The following GREB1L variants were observed in gnomAD, a reference collection of about 807,000 sequenced individuals.
The protein encoded by GREB1L is GREB1 like retinoic acid receptor coactivator.
A neutral mutation model predicts 200.8 loss-of-function variants in GREB1L; 17 were observed. The observed-to-expected ratio is 0.08, with a 90% CI of 0.06 to 0.13. GREB1L has a LOEUF of 0.13. Ranked by LOEUF, GREB1L falls within the 10% of genes least tolerant of loss-of-function variation. The pLI, the probability that GREB1L is intolerant of heterozygous loss-of-function variation, is 1.00. For synonymous variants in GREB1L, 789 were observed against 893.0 expected (o/e 0.88, Z 2.08); for missense variants, 1,657 against 2,367.7 (o/e 0.70, Z 6.23).
intron 1 of GREB1L, among the ~76,000 whole-genome samples, chr18:21,250,025 A>G (rs555701103): frequency 4.3e-4 from 65 of 152,156 alleles, no homozygotes; most frequent in Non-Finnish European, 7.5e-4. Flanking sequence ...GCAATTTTCT[A>G]CGGGTGTCAT....
rs1365717415 is a variant in GREB1L at position 21,524,194 on chromosome 18, A to AGG, written c.*1376_*1377dup. Reference sequence around the variant, plus strand: ...TCTTGTTTGTGACCTGAAACTACTGAGGGGCCTACTAAGCCTGCATTTACT... The same window carrying AGG: ...TCTTGTTTGTGACCTGAAACTACTGAGGGGGGCCTACTAAGCCTGCATTTACT... On this transcript the variant is annotated 3_prime_UTR_variant, in exon 33 of 33. Coordinates refer to ENST00000424526, the MANE Select transcript of GREB1L (RefSeq NM_001142966.3). 6.6e-6 allele frequency: 1 copy of AGG among 152,292 alleles called. No homozygotes were observed. The highest frequency in any genetic ancestry group is 1.9e-4 in the East Asian group (1 of 5,180). The allele number at this position is 152,292 out of a possible 1,614,324, so 9.4% of individuals were successfully genotyped here. A position where few individuals can be genotyped will look rare whatever the true frequency, so the allele number is the denominator to read the frequency against.
chr18:21,281,262 G>A (rs2038264801), intron 1 of GREB1L, among the ~76,000 whole-genome samples: 1 of 152,192 alleles, frequency 6.6e-6, no homozygotes, highest in Non-Finnish European at 1.5e-5. Flanking sequence ...TGTAAAACTA[G>A]TTGTTTCTAA....
chr18:21,449,728 A>C lies in GREB1L; in HGVS notation c.1612A>C (p.Thr538Pro). Residue 538 changes from threonine to proline, a missense_variant, in exon 12 of 33, where the codon ACC becomes CCC. Physicochemically the swap from Thr to Pro is conservative, Grantham distance 38 (BLOSUM62 -1). Coordinates refer to ENST00000424526, the MANE Select transcript of GREB1L (RefSeq NM_001142966.3). ...CTCTTTGGCGGAGGGCATTTCAGAG[A>C]CCTTAAGGACTCTCAGTGAAATGAG... Reference protein sequence around the residue: ...QNSLAEGISETLRTLSEMRHY... With the variant: ...QNSLAEGISEPLRTLSEMRHY... 1 of 1,551,236 alleles carries C rather than the reference A, an allele frequency of 6.4e-7. No homozygotes were observed. The highest frequency in any genetic ancestry group is 8.7e-7 in the Non-Finnish European group (1 of 1,146,598).
chr18:21,319,440 G>A (rs908278585), intron 1 of GREB1L, among the ~76,000 whole-genome samples: 10 of 152,246 alleles, frequency 6.6e-5, no homozygotes, highest in South Asian at 2.1e-4. Flanking sequence ...AAATTATGCC[G>A]GAAGGCCCTA....
At chr18:21,375,344 G>T (rs1238446543) in intron 2 of GREB1L, among the ~76,000 whole-genome samples, 1 of 152,114 alleles carries the variant, frequency 6.6e-6, no homozygotes, top group Non-Finnish European at 1.5e-5. Flanking sequence ...TTACAGGCGT[G>T]AGCCACCGCA....
intron 1 of GREB1L, among the ~76,000 whole-genome samples, chr18:21,268,378 C>T (rs1163772805): frequency 6.6e-6 from 1 of 151,094 alleles, no homozygotes; most frequent in Non-Finnish European, 1.5e-5. Context: ...AATTACAGTA[C>T]ACACCGTAGG....
At chr18:21,468,557 C>T (rs866982626) in intron 15 of GREB1L, among the ~76,000 whole-genome samples, 11 of 152,130 alleles carry the variant, frequency 7.2e-5, no homozygotes, top group African/African-American at 2.4e-4. Context: ...CAATCACAAA[C>T]GCTGTTAAAA....
At chr18:21,431,228 T>C (rs1175318872) in intron 7 of GREB1L, among the ~76,000 whole-genome samples, 2 of 151,976 alleles carry the variant, frequency 1.3e-5, no homozygotes, top group South Asian at 2.1e-4. Flanking sequence ...TTTTGCCACA[T>C]TGGCCAGACT....
chr18:21,458,114 A>C (rs938700635), intron 15 of GREB1L, among the ~76,000 whole-genome samples: 2 of 151,916 alleles, frequency 1.3e-5, no homozygotes, highest in African/African-American at 4.8e-5. Flanking sequence ...GATTACAGGC[A>C]TGCGCCACCA....
In GREB1L at chr18:21,366,562, G is replaced by GT. The variant is rs556574694; in HGVS notation, c.-10+435dup. On this transcript the variant is annotated intron_variant, in intron 2 of 32. Coordinates refer to ENST00000424526, the MANE Select transcript of GREB1L (RefSeq NM_001142966.3). ...TATATGTTCTAAAGATTTTATAAAA[G>GT]TTTTTTTTTCTATTTTAGGAGGCTT... Among the ~76,000 whole-genome samples, 1,404 of 150,796 alleles carry GT rather than the reference G, an allele frequency of 9.3e-3. 10 individuals are homozygous for GT. Among genetic ancestry groups the GT allele is most frequent in the Non-Finnish European group, 0.011 (734 of 67,648 alleles).
intron 7 of GREB1L, among the ~76,000 whole-genome samples, chr18:21,424,681 TA>T (rs1039607481): frequency 6.6e-6 from 1 of 152,052 alleles, no homozygotes; most frequent in African/African-American, 2.4e-5. Flanking sequence ...TATAATTCAA[TA>T]AAAAACAAAA....
intron 2 of GREB1L, among the ~76,000 whole-genome samples, chr18:21,372,555 C>T (rs2039918885): frequency 6.6e-6 from 1 of 152,076 alleles, no homozygotes; most frequent in Non-Finnish European, 1.5e-5. Flanking sequence ...ATGTGTGGCT[C>T]AGAACAATTC....
chr18:21,502,058 C>T (rs1056920268), intron 23 of GREB1L, among the ~76,000 whole-genome samples: 9 of 152,066 alleles, frequency 5.9e-5, no homozygotes, highest in Non-Finnish European at 7.4e-5. Context: ...GTCAGGAGTT[C>T]GAGACCAACA....
chr18:21,443,658 T>C (rs1398895099), intron 10 of GREB1L, among the ~76,000 whole-genome samples: 1 of 152,208 alleles, frequency 6.6e-6, no homozygotes, highest in Non-Finnish European at 1.5e-5. Flanking sequence ...ACATGTTCCT[T>C]CCATGAGAAA....
intron 1 of GREB1L, among the ~76,000 whole-genome samples, chr18:21,337,741 C>T (rs947901146): frequency 2.0e-5 from 3 of 152,154 alleles, no homozygotes; most frequent in African/African-American, 7.2e-5. Flanking sequence ...AATCCCAGCA[C>T]TTTGGGAGGC....
At chr18:21,454,742 CT>C in intron 15 of GREB1L, 179 bp downstream of exon 15, 3 of 620,730 alleles carry the variant, frequency 4.8e-6, no homozygotes, top group Non-Finnish European at 8.6e-6. Context: ...GTACTCTGTC[CT>C]TTTTCCCTCA....
intron 27 of GREB1L, among the ~76,000 whole-genome samples, chr18:21,509,468 C>T (rs2037149717): frequency 6.6e-6 from 1 of 152,182 alleles, no homozygotes; most frequent in African/African-American, 2.4e-5. Flanking sequence ...CCTCTTTCTC[C>T]ACTGTCTCCC....
chr18:21,243,348 G>C (rs1349718305), intron 1 of GREB1L, among the ~76,000 whole-genome samples: 2 of 152,172 alleles, frequency 1.3e-5, no homozygotes, highest in Non-Finnish European at 2.9e-5. Context: ...GGGTCCTGGA[G>C]AAACTCCTCA....
At chr18:21,518,514 G>C (rs553957780) in intron 31 of GREB1L, among the ~76,000 whole-genome samples, 1 of 152,120 alleles carries the variant, frequency 6.6e-6, no homozygotes, top group East Asian at 1.9e-4. Flanking sequence ...ATACAACTCA[G>C]CTGTCAGCTC....
Sources: gnomAD v4.1 joint callset for allele counts (sites outside exome capture counted in the v4.1 genomes callset) on GRCh38, gnomAD v4.1.1 for gene constraint, MANE v1.5 for transcripts, NCBI Gene and HGNC (gene_info 2026-07-23, HGNC 2026-07-21) for gene names.